Variants in USP34 observed in about 807,000 individuals in gnomAD.
USP34 encodes the protein ubiquitin carboxyl-terminal hydrolase 34.
USP34 carries 70 observed loss-of-function variants against 460.3 expected under a neutral mutation model. The ratio of observed to expected loss-of-function variants is 0.15; its 90% CI spans 0.13 to 0.19. USP34 has a LOEUF of 0.19. Among genes scored for constraint, USP34 ranks in the 10% least tolerant of loss-of-function variants. The probability of loss-of-function intolerance (pLI) is 1.00; values close to 1 mark genes in which losing one functional copy is unlikely to be tolerated. For synonymous variants in USP34, 1,647 were observed against 1,405.3 expected, an observed-to-expected ratio of 1.17 and a Z score of -3.85; for missense variants, 3,985 against 4,236.2, an observed-to-expected ratio of 0.94 and a Z score of 1.65.
chr2:61,395,663 G>C (rs1482282716), intron 3 of USP34, among the ~76,000 whole-genome samples: 2 of 149,582 alleles, frequency 1.3e-5, no homozygotes, highest in Non-Finnish European at 3.0e-5. Context: ...GCGGGCGCCT[G>C]TAGTCCCAGC....
intron 21 of USP34, among the ~76,000 whole-genome samples, chr2:61,323,249 C>A (rs1047858445): frequency 6.6e-6 from 1 of 152,164 alleles, no homozygotes; most frequent in African/African-American, 2.4e-5. Context: ...CAGCGGCTCA[C>A]GCCTGTAATC....
intron 41 of USP34, among the ~76,000 whole-genome samples, chr2:61,274,442 A>AG (rs1186086480): frequency 4.9e-5 from 7 of 143,330 alleles, no homozygotes; most frequent in African/African-American, 1.5e-4. Context: ...AAGTCAAGAC[A>AG]GAAAAAAAAA....
chr2:61,395,045 A>C (rs2103902339), intron 4 of USP34, 43 bp from the exon 5 acceptor site: 1 of 1,544,818 alleles, frequency 6.5e-7, no homozygotes. Context: ...AAAACGTACA[A>C]ATAATTTTTA....
chr2:61,378,636 C>T (rs1171444348), intron 7 of USP34, among the ~76,000 whole-genome samples: 9 of 151,850 alleles, frequency 5.9e-5, no homozygotes, highest in South Asian at 2.1e-4. Context: ...CCAGGCGCAG[C>T]GGCTCACACC....
chr2:61,408,094 G>A (rs1693934168), intron 2 of USP34, among the ~76,000 whole-genome samples: 1 of 152,078 alleles, frequency 6.6e-6, no homozygotes, highest in South Asian at 2.1e-4. Context: ...CAGCCTGGGT[G>A]ACAAAGCAAG....
intron 1 of USP34, among the ~76,000 whole-genome samples, chr2:61,454,876 T>C (rs1194995700): frequency 6.7e-6 from 1 of 148,330 alleles, no homozygotes; most frequent in African/African-American, 2.5e-5. Flanking sequence ...TTTTCTTTTT[T>C]TTTTTTTTTG....
At chr2:61,423,002 C>T (rs944259276) in intron 1 of USP34, among the ~76,000 whole-genome samples, 1 of 152,198 alleles carries the variant, frequency 6.6e-6, no homozygotes. Flanking sequence ...GCATTCCAAC[C>T]TGGGTAACAG....
chr2:61,406,946 G>A (rs1305694462), intron 2 of USP34, among the ~76,000 whole-genome samples: 1 of 152,038 alleles, frequency 6.6e-6, no homozygotes, highest in Non-Finnish European at 1.5e-5. Flanking sequence ...GGAGGCGGAG[G>A]CTGTAGTGAG....
chr2:61,465,910 G>A (rs1695748759), intron 1 of USP34, among the ~76,000 whole-genome samples: 1 of 152,008 alleles, frequency 6.6e-6, no homozygotes, highest in Admixed American at 6.6e-5. Context: ...CCGGGAGGCG[G>A]AGCTTGCAGT....
chr2:61,385,692 AAAG>A (rs1228919630), intron 5 of USP34, among the ~76,000 whole-genome samples: 11 of 148,658 alleles, frequency 7.4e-5, no homozygotes, highest in African/African-American at 2.7e-4. Context: ...AAAAAAAAAA[AAAG>A]AAATACGACA....
intron 29 of USP34, among the ~76,000 whole-genome samples, chr2:61,299,417 T>C (rs2103636700): frequency 6.6e-6 from 1 of 152,290 alleles, no homozygotes; most frequent in African/African-American, 2.4e-5. Context: ...GTGGATTGAA[T>C]ATGGCTCCTT....
intron 42 of USP34, 165 bp downstream of exon 42, chr2:61,265,819 G>A: frequency 1.4e-6 from 1 of 723,254 alleles, no homozygotes; most frequent in Non-Finnish European, 1.9e-6. Context: ...ATATAAAAAG[G>A]TCCTTCACAT....
rs1693480712 is a variant in USP34 at position 61,395,231 on chromosome 2, A to G, written c.555T>C (p.Asp185=). Residue 185 remains aspartate, a splice_region_variant and synonymous_variant, in exon 4 of 80, where the codon GAT becomes GAC. Transcript: ENST00000398571. ...YKHNTHPTIE[D]ISTQESNILG... is the part of the protein sequence containing the mutation. The stretch of plus-strand genomic sequence containing the variant: ...ATATGTTACTTTCTTGAGTTGATAT[A>G]TCCTAATTAAAAAAAAAAAAGCAAG... 6.9e-7 allele frequency: 1 copy of G among 1,457,436 alleles called. No individual in the cohort carries two copies. Among genetic ancestry groups the G allele is most frequent in the Non-Finnish European group, 9.5e-7 (1 of 1,057,750 alleles). 90.3% of individuals were successfully genotyped at this position (1,457,436 alleles called of 1,614,324 possible).
chr2:61,207,814 G>C (rs974931881), intron 70 of USP34: 4 of 150,560 alleles, frequency 2.7e-5, no homozygotes, highest in Admixed American at 6.6e-5. Flanking sequence ...ATATTTCTTT[G>C]CCTCAGTGCT....
chr2:61,304,457 T>G (rs920145825), intron 27 of USP34, among the ~76,000 whole-genome samples: 4 of 152,206 alleles, frequency 2.6e-5, no homozygotes, highest in African/African-American at 9.6e-5. Context: ...AATCTGTATG[T>G]CGAATCCTAA....
intron 1 of USP34, among the ~76,000 whole-genome samples, chr2:61,428,839 T>C (rs2103992219): frequency 6.6e-6 from 1 of 152,274 alleles, no homozygotes; most frequent in Admixed American, 6.5e-5. Flanking sequence ...AAAAGAATTA[T>C]GTATTGAAAC....
chr2:61,245,425 A>G, intron 50 of USP34, 137 bp from the exon 51 acceptor site: 2 of 468,036 alleles, frequency 4.3e-6, no homozygotes, highest in Non-Finnish European at 3.7e-6. Flanking sequence ...TATTTTTACA[A>G]TTCTAATCTA....
At position 61,321,763 on chromosome 2, in the gene USP34, T is replaced by C. The variant is rs562372437; in HGVS notation, c.3014-2436A>G. ...AACCCATTTAGGAAGAAAATTCTTC[T>C]CCCTAAAATAGGAGCACATCCGTAT... is the stretch of plus-strand genomic sequence containing the variant. On this transcript the variant is annotated intron_variant, in intron 21 of 79. Transcript: ENST00000398571. 1.9e-3 allele frequency among the ~76,000 whole-genome samples: 284 copies of C among 152,278 alleles called. 3 individuals are homozygous for C. Among genetic ancestry groups the C allele is most frequent in the African/African-American group, 6.3e-3 (260 of 41,558 alleles).
At chr2:61,240,801 T>C (rs1688233744) in intron 53 of USP34, among the ~76,000 whole-genome samples, 1 of 151,538 alleles carries the variant, frequency 6.6e-6, no homozygotes, top group Non-Finnish European at 1.5e-5. Flanking sequence ...CTCAAACTCC[T>C]GGCCTCACGT....
Sources: gnomAD v4.1 joint callset for allele counts (sites outside exome capture counted in the v4.1 genomes callset) on GRCh38, gnomAD v4.1.1 for gene constraint, MANE v1.5 for transcripts, NCBI Gene and HGNC (gene_info 2026-07-23, HGNC 2026-07-21) for gene names.